SETBP1: variants seen among roughly 807,000 people sequenced by gnomAD.
SETBP1 encodes the protein SET binding protein 1, also known as SET-binding protein.
Under a neutral mutation model 101.0 loss-of-function variants are expected in SETBP1, and 9 were observed. The ratio of observed to expected loss-of-function variants is 0.09; its 90% confidence interval spans 0.05 to 0.16. SETBP1 has a LOEUF of 0.16. Among genes scored for constraint, SETBP1 ranks in the 10% least tolerant of loss-of-function variants. SETBP1 has a pLI of 1.00. For missense variants in SETBP1, 1,858 were observed against 2,033.8 expected (o/e 0.91, Z 1.66); for synonymous variants, 818 against 788.5 (o/e 1.04, Z -0.63).
At chr18:44,844,975 G>A (rs1340833290) in intron 2 of SETBP1, among the ~76,000 whole-genome samples, 1 of 152,212 alleles carries the variant, frequency 6.6e-6, no homozygotes, top group East Asian at 1.9e-4. Flanking sequence ...GCTTGATGGA[G>A]AGGAGGGTCT....
intron 3 of SETBP1, among the ~76,000 whole-genome samples, chr18:44,885,556 A>G (rs1457370532): frequency 6.6e-6 from 1 of 152,082 alleles, no homozygotes; most frequent in African/African-American, 2.4e-5. Context: ...GAACATTGAA[A>G]CTGATCCCCT....
chr18:44,942,125 C>A (rs892777368), intron 3 of SETBP1, among the ~76,000 whole-genome samples: 2 of 152,080 alleles, frequency 1.3e-5, no homozygotes, highest in Non-Finnish European at 1.5e-5. Flanking sequence ...GAGTTCTTTT[C>A]AGAATTTGTT....
intron 5 of SETBP1, among the ~76,000 whole-genome samples, chr18:45,043,049 A>T (rs1297333267): frequency 6.6e-6 from 1 of 152,192 alleles, no homozygotes; most frequent in African/African-American, 2.4e-5. Flanking sequence ...AACTTCTATT[A>T]CACTAGCCCA....
At chr18:44,723,493 A>G (rs974658333) in intron 2 of SETBP1, among the ~76,000 whole-genome samples, 5 of 152,212 alleles carry the variant, frequency 3.3e-5, no homozygotes, top group Non-Finnish European at 7.3e-5. Flanking sequence ...GCAATCAGCG[A>G]CAGTCGGCGG....
rs371360597 is a variant in SETBP1, at chr18:44,943,558, G to A, written c.541-6323G>A. Among the ~76,000 whole-genome samples the A allele has an allele frequency of 1.3e-4, 20 of 152,302 alleles. No individual in the cohort carries two copies. In the East Asian group the frequency reaches 2.7e-3, roughly 21 times the overall value. ...AAAAGTACTACTGTTCAGGTTCCAC[G>A]TCCAGAATGTTGATTTAATCACGCT... On this transcript the variant is annotated intron_variant, in intron 3 of 5. Transcript: ENST00000649279.
intron 2 of SETBP1, among the ~76,000 whole-genome samples, chr18:44,817,595 G>C (rs1203953076): frequency 6.6e-6 from 1 of 150,976 alleles, no homozygotes; most frequent in Admixed American, 6.6e-5. Flanking sequence ...TGAGACAGGA[G>C]AATCTCTTGA....
chr18:44,909,176 A>T (rs1193267270), intron 3 of SETBP1, among the ~76,000 whole-genome samples: 1 of 152,208 alleles, frequency 6.6e-6, no homozygotes, highest in Non-Finnish European at 1.5e-5. Context: ...GAAAGGAAGG[A>T]TGAGTAAGGA....
At chr18:44,881,879 C>A (rs1426743161) in intron 3 of SETBP1, among the ~76,000 whole-genome samples, 1 of 152,168 alleles carries the variant, frequency 6.6e-6, no homozygotes, top group Non-Finnish European at 1.5e-5. Context: ...TGTAGAGTAA[C>A]CAACCAGTTA....
At chr18:44,886,557 T>G (rs2069652709) in intron 3 of SETBP1, among the ~76,000 whole-genome samples, 1 of 152,028 alleles carries the variant, frequency 6.6e-6, no homozygotes, top group Non-Finnish European at 1.5e-5. Context: ...TCATTTAAAG[T>G]AAAAAAGCAA....
Position 44,710,754 on chromosome 18 carries a change from A to C in SETBP1, c.486+8922A>C, listed in dbSNP as rs1030742559. On this transcript the variant is annotated intron_variant, in intron 2 of 5. Transcript: ENST00000649279. ...AGTGAATGACCGCACCCAGCCAGGA[A>C]GTTTCTAATATCTGCAATAAACTAA... Among the ~76,000 whole-genome samples, 13 of 152,290 alleles carry C rather than the reference A, an allele frequency of 8.5e-5. 1 individual carries two copies. Among genetic ancestry groups the C allele is most frequent in the Admixed American group, 7.2e-4 (11 of 15,288 alleles).
chr18:44,725,211 T>C (rs1357858089), intron 2 of SETBP1, among the ~76,000 whole-genome samples: 3 of 152,202 alleles, frequency 2.0e-5, no homozygotes, highest in Non-Finnish European at 4.4e-5. Flanking sequence ...ATGCTGTTAT[T>C]GTTCTTTTCT....
intron 3 of SETBP1, among the ~76,000 whole-genome samples, chr18:44,941,089 T>A (rs1173545391): frequency 6.9e-6 from 1 of 145,932 alleles, no homozygotes; most frequent in Non-Finnish European, 1.5e-5. Context: ...TTTTTTTTTT[T>A]TTTTTTTTTT....
rs565003017 is a variant in SETBP1 at position 44,786,697 on chromosome 18, A to T, written c.487-82533A>T. 2.4e-4 allele frequency among the ~76,000 whole-genome samples: 37 copies of T among 152,234 alleles called. No homozygotes were observed. The South Asian group carries it at 7.5e-3, about 31-fold the overall frequency. On this transcript the variant is annotated intron_variant, in intron 2 of 5. Coordinates refer to ENST00000649279, the MANE Select transcript of SETBP1 (RefSeq NM_015559.3). The stretch of plus-strand genomic sequence containing the variant: ...AGAAACTGCCCCGACAGAAAGAAAC[A>T]TTTTTGGGTATTAGTTAAACATTGC...
intron 2 of SETBP1, among the ~76,000 whole-genome samples, chr18:44,782,121 A>G (rs1250777066): frequency 6.6e-6 from 1 of 152,172 alleles, no homozygotes; most frequent in Non-Finnish European, 1.5e-5. Flanking sequence ...ATCAGAAGCC[A>G]CTTAAGAGGC....
intron 2 of SETBP1, among the ~76,000 whole-genome samples, chr18:44,786,049 T>C (rs140957559): frequency 2.1e-4 from 32 of 152,346 alleles, no homozygotes; most frequent in African/African-American, 7.2e-4. Context: ...TCTAGTTCAT[T>C]TCTATCAATC....
intron 2 of SETBP1, among the ~76,000 whole-genome samples, chr18:44,715,939 G>T (rs1448791625): frequency 1.3e-5 from 2 of 152,082 alleles, no homozygotes; most frequent in East Asian, 3.9e-4. Flanking sequence ...AGCCCTCTTT[G>T]CCCATCTTTG....
At chr18:44,740,477 T>C (rs920843613) in intron 2 of SETBP1, among the ~76,000 whole-genome samples, 2 of 152,216 alleles carry the variant, frequency 1.3e-5, no homozygotes, top group Non-Finnish European at 2.9e-5. Context: ...ATTACGAAGA[T>C]GACATGTGAT....
In SETBP1 at chr18:44,951,421, C is replaced by G; in HGVS notation, c.2081C>G (p.Ala694Gly). Residue 694 changes from alanine to glycine, a missense_variant, in exon 4 of 6, where the codon GCT becomes GGT. Coordinates refer to ENST00000649279, the MANE Select transcript of SETBP1 (RefSeq NM_015559.3). This position sits in a 1 kb window ranked among gnomAD's most constrained non-coding sequence, Gnocchi z 7.8. ...CSSSVALKAK[A>G]PPETSPGAAA... is the part of the protein sequence containing the mutation. The stretch of plus-strand genomic sequence containing the variant: ...AGCAGCGTTGCTCTGAAGGCAAAAG[C>G]TCCCCCAGAGACCAGCCCTGGGGCA... The G allele has an allele frequency of 6.2e-7, 1 of 1,614,120 alleles. No individual in the cohort carries two copies. Among genetic ancestry groups the G allele is most frequent in the South Asian group, 1.1e-5 (1 of 91,072 alleles).
At chr18:45,037,591 A>G (rs1157826025) in intron 4 of SETBP1, among the ~76,000 whole-genome samples, 1 of 152,088 alleles carries the variant, frequency 6.6e-6, no homozygotes, top group Non-Finnish European at 1.5e-5. Context: ...TAAGTAACTT[A>G]CTCGTCATCA....
Sources: allele counts gnomAD v4.1 joint callset (sites outside exome capture counted in the v4.1 genomes callset), GRCh38; gene constraint gnomAD v4.1.1; non-coding constraint Gnocchi (gnomAD v3.1); transcripts MANE v1.5; gene names NCBI Gene and HGNC (gene_info 2026-07-23, HGNC 2026-07-21).